MYO3B: variants seen among roughly 807,000 people sequenced by gnomAD.
MYO3B encodes the protein myosin IIIB.
Under a neutral mutation model 174.6 loss-of-function variants are expected in MYO3B, and 156 were observed. The observed-to-expected ratio is 0.89, with a 90% CI of 0.78 to 1.02. The LOEUF (loss-of-function observed/expected upper bound fraction) is 1.02, where lower values mean the gene tolerates loss of function less well. Ranked by LOEUF, MYO3B falls within the 50% of genes least tolerant of loss-of-function variation. The pLI is 0.00. For missense variants in MYO3B, 1,632 were observed against 1,639.4 expected, an observed-to-expected ratio of 1.00 and a Z score of 0.08; for synonymous variants, 563 against 569.1, an observed-to-expected ratio of 0.99 and a Z score of 0.15.
chr2:170,461,730 C>T (rs1337890131), intron 23 of MYO3B, among the ~76,000 whole-genome samples: 8 of 150,152 alleles, frequency 5.3e-5, no homozygotes, highest in East Asian at 2.0e-4. Flanking sequence ...GAGCTGAGAT[C>T]GCGCCATTGC....
intron 32 of MYO3B, among the ~76,000 whole-genome samples, chr2:170,584,992 A>G (rs1293771839): frequency 6.6e-6 from 1 of 152,228 alleles, no homozygotes; most frequent in Admixed American, 6.5e-5. Context: ...TATTCCTCTC[A>G]TGCAGCAGTT....
intron 7 of MYO3B, among the ~76,000 whole-genome samples, chr2:170,322,940 A>C (rs1007979960): frequency 7.9e-5 from 12 of 152,172 alleles, no homozygotes; most frequent in African/African-American, 2.9e-4. Flanking sequence ...CAATCTGTTC[A>C]TCTGAGGTCT....
At chr2:170,611,822 T>C (rs947368652) in intron 32 of MYO3B, among the ~76,000 whole-genome samples, 44 of 152,340 alleles carry the variant, frequency 2.9e-4, no homozygotes, top group African/African-American at 9.9e-4. Context: ...TATGGCTTTA[T>C]TTTGCTTTGT....
intron 32 of MYO3B, among the ~76,000 whole-genome samples, chr2:170,593,147 G>T (rs1190039487): frequency 6.6e-6 from 1 of 152,146 alleles, no homozygotes; most frequent in African/African-American, 2.4e-5. Flanking sequence ...GCCCAGGGTG[G>T]AGTGTAGTGG....
chr2:170,245,313 T>C (rs543857565), intron 7 of MYO3B, among the ~76,000 whole-genome samples: 14 of 152,278 alleles, frequency 9.2e-5, no homozygotes, highest in African/African-American at 3.1e-4. Flanking sequence ...GTGAGTTTAA[T>C]AGCCCACGGT....
rs775002853 is a variant in MYO3B at position 170,499,785 on chromosome 2, A to AGG, written c.3268_3269dup (p.Ala1091GlufsTer21). 1.2e-6 allele frequency: 2 copies of AGG among 1,613,994 alleles called. No individual in the cohort carries two copies. Among genetic ancestry groups the AGG allele is most frequent in the South Asian group, 2.2e-5 (2 of 91,074 alleles). ...AAAAGGGTCAGAGAGAAGAGAGAGA[A>AGG]GGGAGCCATTGCCATCCAGTCAGGT... On this transcript the variant is annotated frameshift_variant, in exon 27 of 35. Transcript: ENST00000408978. LOFTEE classifies it high-confidence loss of function.
At chr2:170,641,038 A>G (rs545241490) in intron 32 of MYO3B, 20 of 152,356 alleles carry the variant, frequency 1.3e-4, no homozygotes, top group African/African-American at 4.1e-4. Context: ...AGGCATACCC[A>G]CACCTGTTAG....
intron 7 of MYO3B, among the ~76,000 whole-genome samples, chr2:170,324,022 T>TC (rs2093847558): frequency 6.6e-6 from 1 of 152,146 alleles, no homozygotes; most frequent in Non-Finnish European, 1.5e-5. Context: ...ATGGCCATGA[T>TC]CCTGGCAAAA....
intron 22 of MYO3B, among the ~76,000 whole-genome samples, chr2:170,439,033 G>C (rs1445307309): frequency 6.6e-6 from 1 of 150,386 alleles, no homozygotes; most frequent in Non-Finnish European, 1.5e-5. Flanking sequence ...CCATTTGTAT[G>C]CCTTCTTTGG....
At position 170,307,536 on chromosome 2, in the gene MYO3B, A is replaced by G. The variant is rs189969319; in HGVS notation, c.750-27849A>G. On this transcript the variant is annotated intron_variant, in intron 7 of 34. Transcript: ENST00000408978. The stretch of plus-strand genomic sequence containing the variant: ...TGATCCTCTTAAACTGTGAAATTCT[A>G]TTTTAGTGTAGATTCCCTATCCTTC... Among the ~76,000 whole-genome samples the G allele has an allele frequency of 2.6e-5, 4 of 152,266 alleles. 1 individual carries two copies. The East Asian group carries it at 7.7e-4, about 29-fold the overall frequency.
intron 32 of MYO3B, among the ~76,000 whole-genome samples, chr2:170,607,937 A>C (rs973986676): frequency 6.6e-6 from 1 of 152,188 alleles, no homozygotes; most frequent in African/African-American, 2.4e-5. Context: ...GATTTGAAAG[A>C]TATGTTTTGT....
At chr2:170,629,867 C>A (rs2105375347) in intron 32 of MYO3B, among the ~76,000 whole-genome samples, 1 of 152,034 alleles carries the variant, frequency 6.6e-6, no homozygotes, top group African/African-American at 2.4e-5. Flanking sequence ...ACAAACAAAA[C>A]CCACACAATA....
At chr2:170,423,417 T>G (rs1236556274) in intron 22 of MYO3B, among the ~76,000 whole-genome samples, 1 of 152,144 alleles carries the variant, frequency 6.6e-6, no homozygotes, top group African/African-American at 2.4e-5. Context: ...GAGCCCTTCT[T>G]GTTGATCCTC....
At chr2:170,273,031 G>C (rs111290508) in intron 7 of MYO3B, among the ~76,000 whole-genome samples, 1 of 152,082 alleles carries the variant, frequency 6.6e-6, no homozygotes, top group African/African-American at 2.4e-5. Flanking sequence ...GATGGGTTGG[G>C]GTGGGGTAGT....
intron 1 of MYO3B, among the ~76,000 whole-genome samples, chr2:170,198,265 G>A (rs1428310204): frequency 1.3e-5 from 2 of 152,060 alleles, no homozygotes; most frequent in Admixed American, 6.5e-5. Flanking sequence ...GCTGCTTAAG[G>A]GCAGTCCACC....
chr2:170,286,958 A>G (rs1387411719), intron 7 of MYO3B, among the ~76,000 whole-genome samples: 1 of 152,064 alleles, frequency 6.6e-6, no homozygotes, highest in African/African-American at 2.4e-5. Flanking sequence ...GAGCTCCCAC[A>G]TATGAATGAA....
chr2:170,537,069 T>C (rs958599926), intron 30 of MYO3B, among the ~76,000 whole-genome samples: 1 of 151,662 alleles, frequency 6.6e-6, no homozygotes, highest in East Asian at 1.9e-4. Flanking sequence ...GGCGTGGTGG[T>C]GGGCGCTTGT....
At position 170,653,189 on chromosome 2, in the gene MYO3B, C is replaced by A. The variant is rs1361778250; in HGVS notation, c.*68C>A. ...CATGGTAATCGACTGTCTGTCATTG[C>A]GTAAGAAAGCACTGATATGGGGTCA... On this transcript the variant is annotated 3_prime_UTR_variant, in exon 35 of 35. Transcript: ENST00000408978. 11 of 1,587,508 alleles carry A rather than the reference C, an allele frequency of 6.9e-6. No homozygotes were observed. In the East Asian group the frequency reaches 8.9e-5, roughly 13 times the overall value.
At chr2:170,439,228 C>T (rs558778441) in intron 22 of MYO3B, among the ~76,000 whole-genome samples, 22 of 151,498 alleles carry the variant, frequency 1.5e-4, no homozygotes, top group Non-Finnish European at 2.7e-4. Context: ...AAAAATTAGA[C>T]GGGCATGCTG....
Sources: gnomAD v4.1 joint callset for allele counts (sites outside exome capture counted in the v4.1 genomes callset) on GRCh38, gnomAD v4.1.1 for gene constraint, MANE v1.5 for transcripts, NCBI Gene and HGNC (gene_info 2026-07-23, HGNC 2026-07-21) for gene names.